Variants in PTPRT observed in about 807,000 individuals in gnomAD.
The protein encoded by PTPRT is receptor-type tyrosine-protein phosphatase T.
In PTPRT, 56 loss-of-function variants were observed where a neutral mutation model predicts 176.8. The observed-to-expected ratio is 0.32, with a 90% CI of 0.26 to 0.40. PTPRT has a LOEUF of 0.40. Among genes scored for constraint, PTPRT ranks in the 10% least tolerant of loss-of-function variants. The probability of loss-of-function intolerance (pLI) is 1.00; values close to 1 mark genes in which losing one functional copy is unlikely to be tolerated. For synonymous variants in PTPRT, 783 were observed against 739.0 expected (o/e 1.06, Z -0.96); for missense variants, 1,540 against 1,908.2 (o/e 0.81, Z 3.60).
intron 15 of PTPRT, among the ~76,000 whole-genome samples, chr20:42,216,051 G>A (rs78890710): frequency 0.046 from 7,001 of 152,166 alleles, 515 homozygotes; most frequent in African/African-American, 0.16. Context: ...TCCAAGCAGC[G>A]TCTCCTGGTT....
chr20:42,588,583 A>T (rs900151097), intron 7 of PTPRT, among the ~76,000 whole-genome samples: 3 of 152,232 alleles, frequency 2.0e-5, no homozygotes, highest in African/African-American at 7.2e-5. Flanking sequence ...ATGTATCATT[A>T]ATAAGTTTTT....
At chr20:42,274,963 C>G (rs1280480381) in intron 13 of PTPRT, among the ~76,000 whole-genome samples, 1 of 152,134 alleles carries the variant, frequency 6.6e-6, no homozygotes, top group Non-Finnish European at 1.5e-5. Context: ...GTCAATGAAT[C>G]TCATCTGTCT....
chr20:42,709,685 G>A (rs2076114975), intron 6 of PTPRT, among the ~76,000 whole-genome samples: 1 of 152,176 alleles, frequency 6.6e-6, no homozygotes, highest in Non-Finnish European at 1.5e-5. Context: ...ACCTGAAGAT[G>A]TTGAACTGGT....
rs549957642 is a variant in PTPRT at position 42,073,684 on chromosome 20, T to G, written c.*7195A>C. On this transcript the variant is annotated 3_prime_UTR_variant, in exon 31 of 31. Coordinates refer to ENST00000373187, the MANE Select transcript of PTPRT (RefSeq NM_007050.6). ...TGATAACCAGCCTGGATCAGCCCAG[T>G]ATATGTGGCCACAACAGCATGTTGG... 290 of 224,930 alleles carry G rather than the reference T, an allele frequency of 1.3e-3. 1 individual carries two copies. The highest frequency in any genetic ancestry group is 2.1e-3 in the Non-Finnish European group (242 of 112,872). 13.9% of individuals were successfully genotyped at this position (224,930 alleles called of 1,614,324 possible).
At chr20:42,095,699 G>T (rs1985138032) in intron 27 of PTPRT, among the ~76,000 whole-genome samples, 1 of 152,212 alleles carries the variant, frequency 6.6e-6, no homozygotes, top group Non-Finnish European at 1.5e-5. Context: ...AATGTGTGTT[G>T]CTTATTATCT....
At chr20:42,556,973 G>A (rs528628478) in intron 7 of PTPRT, among the ~76,000 whole-genome samples, 1 of 152,166 alleles carries the variant, frequency 6.6e-6, no homozygotes, top group African/African-American at 2.4e-5. Context: ...ACAGTGAGAG[G>A]GATGCGTGTC....
chr20:42,829,594 G>T (rs1254612350), intron 2 of PTPRT, among the ~76,000 whole-genome samples: 2 of 152,164 alleles, frequency 1.3e-5, no homozygotes. Flanking sequence ...GGTTGTGGGT[G>T]GCACATGCCT....
intron 7 of PTPRT, among the ~76,000 whole-genome samples, chr20:42,493,562 A>T (rs1009701434): frequency 6.6e-6 from 1 of 152,116 alleles, no homozygotes; most frequent in African/African-American, 2.4e-5. Context: ...GTGAGTACTC[A>T]GTTAGGATAA....
intron 11 of PTPRT, among the ~76,000 whole-genome samples, chr20:42,328,135 C>T (rs894827686): frequency 6.6e-6 from 1 of 152,056 alleles, no homozygotes; most frequent in African/African-American, 2.4e-5. Flanking sequence ...AAATCAAAGC[C>T]ACAATTTCCT....
intron 19 of PTPRT, 102 bp from the exon 20 acceptor site, chr20:42,120,073 C>T (rs1987507087): frequency 1.9e-6 from 2 of 1,034,910 alleles, no homozygotes; most frequent in Non-Finnish European, 2.8e-6. Flanking sequence ...TTCTCATGGG[C>T]AAAATGAGAA....
chr20:42,447,411 G>T (rs551623658), intron 9 of PTPRT, among the ~76,000 whole-genome samples: 2 of 151,782 alleles, frequency 1.3e-5, no homozygotes, highest in South Asian at 4.2e-4. Context: ...TTCCAGCTTC[G>T]GTATCCATGC....
Position 42,080,876 on chromosome 20 carries a change from G to A in PTPRT, c.*3C>T, listed in dbSNP as rs1247852253. 1.2e-6 allele frequency: 2 copies of A among 1,609,146 alleles called. No homozygotes were observed. Among genetic ancestry groups the A allele is most frequent in the South Asian group, 2.2e-5 (2 of 90,938 alleles). On this transcript the variant is annotated 3_prime_UTR_variant, in exon 31 of 31. Coordinates refer to ENST00000373187, the MANE Select transcript of PTPRT (RefSeq NM_007050.6). ...ACTCCGGCAGGTTCCCCATCCCATT[G>A]AGCTAAAAGGAGCTTAAATATTCCA...
At chr20:42,092,680 G>T (rs909739669) in intron 27 of PTPRT, among the ~76,000 whole-genome samples, 2 of 152,196 alleles carry the variant, frequency 1.3e-5, no homozygotes, top group African/African-American at 4.8e-5. Context: ...TATTTTGCTG[G>T]TGTGTTAGGC....
chr20:42,400,670 T>C (rs2058896630), intron 9 of PTPRT, among the ~76,000 whole-genome samples: 1 of 152,080 alleles, frequency 6.6e-6, no homozygotes, highest in African/African-American at 2.4e-5. Flanking sequence ...GCTCATGGTG[T>C]ATTGAGGGAA....
At chr20:42,579,527 A>G (rs1029188793) in intron 7 of PTPRT, among the ~76,000 whole-genome samples, 5 of 152,198 alleles carry the variant, frequency 3.3e-5, no homozygotes, top group Admixed American at 6.5e-5. Flanking sequence ...TCCCACCAAC[A>G]GTGAAAAAGT....
intron 9 of PTPRT, among the ~76,000 whole-genome samples, chr20:42,377,461 C>T (rs537211935): frequency 1.1e-4 from 16 of 152,330 alleles, no homozygotes; most frequent in African/African-American, 2.9e-4. Context: ...CTTTAACTTA[C>T]GACCAAACTG....
At chr20:42,202,497 G>A (rs1001002778) in intron 15 of PTPRT, among the ~76,000 whole-genome samples, 2 of 152,186 alleles carry the variant, frequency 1.3e-5, no homozygotes, top group Non-Finnish European at 2.9e-5. Flanking sequence ...GGATTGGTCA[G>A]ACAATTAGAC....
At chr20:42,553,804 G>A (rs1601253296) in intron 7 of PTPRT, among the ~76,000 whole-genome samples, 1 of 152,138 alleles carries the variant, frequency 6.6e-6, no homozygotes, top group East Asian at 1.9e-4. Flanking sequence ...GGCTGTTGCA[G>A]TATTCCAGGA....
At chr20:43,174,294 C>T (rs1016836699) in intron 1 of PTPRT, among the ~76,000 whole-genome samples, 15 of 152,156 alleles carry the variant, frequency 9.9e-5, no homozygotes, top group African/African-American at 3.6e-4. Flanking sequence ...CACTCTGTTC[C>T]TCAGTTTTGA....
Sources: gnomAD v4.1 joint callset for allele counts (sites outside exome capture counted in the v4.1 genomes callset) on GRCh38, gnomAD v4.1.1 for gene constraint, MANE v1.5 for transcripts, NCBI Gene and HGNC (gene_info 2026-07-23, HGNC 2026-07-21) for gene names.